Variants in SSBP2 observed in about 807,000 individuals in gnomAD.
SSBP2 encodes the protein single-stranded DNA-binding protein 2.
In SSBP2, 17 loss-of-function variants were observed where a neutral mutation model predicts 61.8. The observed-to-expected ratio is 0.28, with a 90% CI of 0.19 to 0.41. The LOEUF (loss-of-function observed/expected upper bound fraction) is 0.41, where lower values mean the gene tolerates loss of function less well. Among genes scored for constraint, SSBP2 ranks in the 10% least tolerant of loss-of-function variants. SSBP2 has a pLI of 1.00. For synonymous variants in SSBP2, 139 were observed against 141.3 expected, an observed-to-expected ratio of 0.98 and a Z score of 0.12; for missense variants, 310 against 458.7, an observed-to-expected ratio of 0.68 and a Z score of 2.96.
At chr5:81,624,608 T>C (rs1204739475) in intron 3 of SSBP2, among the ~76,000 whole-genome samples, 1 of 152,166 alleles carries the variant, frequency 6.6e-6, no homozygotes, top group Non-Finnish European at 1.5e-5. Context: ...ACCTATATAG[T>C]GACTGGTATA....
chr5:81,679,122 C>A (rs544541928), intron 1 of SSBP2, among the ~76,000 whole-genome samples: 1 of 152,216 alleles, frequency 6.6e-6, no homozygotes, highest in Admixed American at 6.5e-5. Flanking sequence ...CGATTCTCTG[C>A]CTCACCTTCC....
rs189750540 is a variant in SSBP2 at position 81,585,168 on chromosome 5, T to C, written c.282+30305A>G. On this transcript the variant is annotated intron_variant, in intron 4 of 16. Transcript: ENST00000320672. ...TTATATTTGCTTCAGAGTAATAACG[T>C]ACAATTATTTCTCCCCACCAACCCA... 2.6e-5 allele frequency among the ~76,000 whole-genome samples: 4 copies of C among 152,178 alleles called. No homozygotes were observed. The East Asian group carries it at 7.7e-4, about 29-fold the overall frequency.
intron 12 of SSBP2, among the ~76,000 whole-genome samples, chr5:81,445,109 G>A (rs10043164): frequency 0.7 from 85,698 of 122,898 alleles, 31,143 homozygotes; most frequent in African/African-American, 0.91. Flanking sequence ...GGTGACAGAG[G>A]CTCTGTCTCA....
intron 1 of SSBP2, among the ~76,000 whole-genome samples, chr5:81,703,381 T>C (rs890526616): frequency 3.3e-5 from 5 of 152,076 alleles, no homozygotes; most frequent in African/African-American, 1.2e-4. Flanking sequence ...TCTGCAGTGC[T>C]TGTTAGATGG....
chr5:81,625,099 TA>T (rs1747010362), intron 3 of SSBP2, among the ~76,000 whole-genome samples: 1 of 152,200 alleles, frequency 6.6e-6, no homozygotes, highest in African/African-American at 2.4e-5. Context: ...ATTTCACTAA[TA>T]TTTTTAACAA....
intron 1 of SSBP2, among the ~76,000 whole-genome samples, chr5:81,749,734 C>T (rs570245094): frequency 1.3e-5 from 2 of 152,246 alleles, no homozygotes; most frequent in Admixed American, 1.3e-4. Flanking sequence ...TTAGTAACAA[C>T]CAAATCACCG....
chr5:81,435,828 C>A (rs1317773634), intron 15 of SSBP2, among the ~76,000 whole-genome samples: 1 of 152,012 alleles, frequency 6.6e-6, no homozygotes, highest in Non-Finnish European at 1.5e-5. Flanking sequence ...GAATATGCTT[C>A]TCAAATATGG....
intron 1 of SSBP2, among the ~76,000 whole-genome samples, chr5:81,742,746 C>A (rs911617465): frequency 2.6e-5 from 4 of 152,032 alleles, no homozygotes; most frequent in African/African-American, 9.7e-5. Context: ...TGTGGTGGTG[C>A]ATGCCTGTAA....
upstream of SSBP2, chr5:81,751,388 A>G (rs1757764889): frequency 9.5e-6 from 4 of 420,580 alleles, no homozygotes; most frequent in Non-Finnish European, 1.8e-5. Context: ...GGAATTAGAA[A>G]CTGCTCTAGA....
chr5:81,714,930 AT>A (rs34470032), intron 1 of SSBP2, among the ~76,000 whole-genome samples: 6,828 of 150,826 alleles, frequency 0.045, 199 homozygotes, highest in East Asian at 0.12. Flanking sequence ...AAAGAACTGG[AT>A]TTTTTTTTTA....
intron 1 of SSBP2, among the ~76,000 whole-genome samples, chr5:81,683,517 A>T (rs1752553716): frequency 6.6e-6 from 1 of 152,200 alleles, no homozygotes; most frequent in South Asian, 2.1e-4. Context: ...AAAATGTAAA[A>T]CAATAAAACT....
chr5:81,634,468 A>G (rs1486430138), intron 3 of SSBP2, among the ~76,000 whole-genome samples: 1 of 152,162 alleles, frequency 6.6e-6, no homozygotes, highest in East Asian at 1.9e-4. Flanking sequence ...CCTTGGGAAC[A>G]TGTTCTCAGG....
intron 15 of SSBP2, among the ~76,000 whole-genome samples, chr5:81,431,468 T>C (rs774811695): frequency 3.9e-5 from 6 of 152,038 alleles, no homozygotes; most frequent in African/African-American, 9.7e-5. Context: ...CATATATATA[T>C]ACACACACAC....
At chr5:81,673,333 A>G (rs1054221724) in intron 1 of SSBP2, among the ~76,000 whole-genome samples, 4 of 152,180 alleles carry the variant, frequency 2.6e-5, no homozygotes, top group African/African-American at 9.7e-5. Context: ...GAGCTAACTA[A>G]TATATTTATA....
chr5:81,635,927 C>A (rs1012062382), intron 3 of SSBP2, among the ~76,000 whole-genome samples: 2 of 152,148 alleles, frequency 1.3e-5, no homozygotes, highest in Non-Finnish European at 2.9e-5. Flanking sequence ...GGCTACCAAG[C>A]CCTGCTCTCT....
At chr5:81,477,546 T>C (rs1580783828) in intron 6 of SSBP2, among the ~76,000 whole-genome samples, 1 of 152,304 alleles carries the variant, frequency 6.6e-6, no homozygotes, top group Non-Finnish European at 1.5e-5. Context: ...TATTTATTTG[T>C]TCAATATAAC....
intron 4 of SSBP2, among the ~76,000 whole-genome samples, chr5:81,578,399 C>G (rs1000750310): frequency 1.3e-5 from 2 of 151,894 alleles, no homozygotes; most frequent in African/African-American, 4.8e-5. Flanking sequence ...AAAAACCAGA[C>G]TGACCTATTA....
chr5:81,519,296 G>T (rs1167041383), intron 4 of SSBP2, among the ~76,000 whole-genome samples: 1 of 151,914 alleles, frequency 6.6e-6, no homozygotes, highest in Non-Finnish European at 1.5e-5. Context: ...TCTTCAATTT[G>T]GTTCATTTAC....
chr5:81,440,612 C>A lies in SSBP2; in HGVS notation c.874G>T (p.Gly292Cys). 1.2e-6 allele frequency: 2 copies of A among 1,613,160 alleles called. No individual in the cohort carries two copies. Among genetic ancestry groups the A allele is most frequent in the South Asian group, 2.2e-5 (2 of 90,938 alleles). Residue 292 changes from glycine (G) to cysteine (C), a missense_variant, in exon 14 of 17, where the codon GGT becomes TGT. Coordinates refer to ENST00000320672, the MANE Select transcript of SSBP2 (RefSeq NM_012446.5). ...ATTCCTCCTAATCCACCCATGGGACCATCTGACCCAGGACCCATTGGAAAC... is the reference window on the plus strand; with the variant it reads ...ATTCCTCCTAATCCACCCATGGGACAATCTGACCCAGGACCCATTGGAAAC...
Sources: allele counts gnomAD v4.1 joint callset (sites outside exome capture counted in the v4.1 genomes callset), GRCh38; gene constraint gnomAD v4.1.1; transcripts MANE v1.5; gene names NCBI Gene and HGNC (gene_info 2026-07-23, HGNC 2026-07-21).